Variants in PRKAG2 observed in about 807,000 individuals in gnomAD.
PRKAG2 encodes the protein 5'-AMP-activated protein kinase subunit gamma-2.
In PRKAG2, 26 loss-of-function variants were observed where a neutral mutation model predicts 69.6. That is an observed-to-expected ratio of 0.37 (90% CI 0.27 to 0.52). The LOEUF is 0.52. Ranked by LOEUF, PRKAG2 falls within the 20% of genes least tolerant of loss-of-function variation. PRKAG2 has a pLI of 0.90. For synonymous variants in PRKAG2, 293 were observed against 285.0 expected (o/e 1.03, Z -0.28); for missense variants, 557 against 740.0 (o/e 0.75, Z 2.87).
At chr7:151,691,951 T>C (rs555421235) in intron 3 of PRKAG2, among the ~76,000 whole-genome samples, 5 of 152,130 alleles carry the variant, frequency 3.3e-5, no homozygotes, top group African/African-American at 1.2e-4. Flanking sequence ...CTTTGGGAGG[T>C]TGAAGCAGGA....
chr7:151,855,178 C>T (rs1341057697), intron 1 of PRKAG2, among the ~76,000 whole-genome samples: 1 of 78,312 alleles, frequency 1.3e-5, no homozygotes. Flanking sequence ...ACACCACCCT[C>T]CACACACACC....
At position 151,780,409 on chromosome 7, in the gene PRKAG2, A is replaced by G. The variant is rs1340253477; in HGVS notation, c.466+743T>C. Reference sequence around the variant, plus strand: ...GGACAAATTTGTTTTCCACATCACTATCTTCCCCAATACAAATGTTCTAAG... The same window carrying G: ...GGACAAATTTGTTTTCCACATCACTGTCTTCCCCAATACAAATGTTCTAAG... On this transcript the variant is annotated intron_variant, in intron 3 of 15. Transcript: ENST00000287878. This position sits in a 1 kb window ranked among gnomAD's most constrained non-coding sequence, Gnocchi z 4.2. Among the ~76,000 whole-genome samples, 1 of 152,222 alleles carries G rather than the reference A, an allele frequency of 6.6e-6. No individual in the cohort carries two copies. Among genetic ancestry groups the G allele is most frequent in the Admixed American group, 6.5e-5 (1 of 15,280 alleles).
At chr7:151,680,176 T>C (rs1051573537) in intron 3 of PRKAG2, among the ~76,000 whole-genome samples, 4 of 152,148 alleles carry the variant, frequency 2.6e-5, no homozygotes, top group African/African-American at 9.7e-5. Flanking sequence ...CAAACGCGCA[T>C]GTTCCTGGAC....
intron 5 of PRKAG2, among the ~76,000 whole-genome samples, chr7:151,630,715 T>A (rs1824202269): frequency 1.3e-5 from 2 of 152,248 alleles, no homozygotes; most frequent in African/African-American, 4.8e-5. Context: ...CCTGGTGATT[T>A]AGACATTCAA....
intron 1 of PRKAG2, among the ~76,000 whole-genome samples, chr7:151,858,680 A>G (rs754720339): frequency 1.5e-4 from 23 of 152,204 alleles, no homozygotes; most frequent in Non-Finnish European, 2.5e-4. Flanking sequence ...AAGGGGTGAC[A>G]TCGTCATTCA....
intron 5 of PRKAG2, among the ~76,000 whole-genome samples, chr7:151,621,538 A>G (rs1179525220): frequency 6.6e-6 from 1 of 151,714 alleles, no homozygotes; most frequent in East Asian, 1.9e-4. Flanking sequence ...AAACAAAACA[A>G]AAAACCAACA....
intron 1 of PRKAG2, among the ~76,000 whole-genome samples, chr7:151,844,181 T>C (rs1174724263): frequency 6.6e-6 from 1 of 152,194 alleles, no homozygotes; most frequent in Non-Finnish European, 1.5e-5. Flanking sequence ...AGCGTGGCTC[T>C]GAAGTTGTGG....
At chr7:151,631,882 C>T in intron 5 of PRKAG2, 187 bp downstream of exon 5, 1 of 505,092 alleles carries the variant, frequency 2.0e-6, no homozygotes, top group Non-Finnish European at 3.2e-6. Context: ...ACGCCCGGTA[C>T]CCCGCAGCCC....
chr7:151,775,548 G>C (rs986448569), intron 3 of PRKAG2, among the ~76,000 whole-genome samples: 3 of 152,164 alleles, frequency 2.0e-5, no homozygotes, highest in African/African-American at 4.8e-5. Flanking sequence ...TAAAAGAAGA[G>C]GGACGAAAAC....
At position 151,786,474 on chromosome 7, in the gene PRKAG2, C is replaced by T. The variant is rs564358410; in HGVS notation, c.182G>A (p.Arg61Gln). The T allele has an allele frequency of 9.9e-6, 16 of 1,611,290 alleles. No homozygotes were observed. The Admixed American group carries it at 1.8e-4, about 19-fold the overall frequency. ...DLEGSGKHSS[R>Q]KVDSPFGPGS... ...CTTCTGGAAAGGAGGTCTTACCTTT[C>T]GAGAGGAATGCTTTCCGGAACCCTC... The change falls in exon 2 of 16, where the codon CGA becomes CAA. Residue 61 changes from arginine (R) to glutamine (Q), a missense_variant. This residue lies in a region of PRKAG2 where 352 missense variants were observed against 356.7 expected (regional missense o/e 0.99). Transcript: ENST00000287878.
At chr7:151,722,516 C>G (rs2536075) in intron 3 of PRKAG2, among the ~76,000 whole-genome samples, 2 of 151,972 alleles carry the variant, frequency 1.3e-5, no homozygotes, top group Non-Finnish European at 2.9e-5. Flanking sequence ...GGGGTCTCCT[C>G]GTGGAGCTCA....
intron 7 of PRKAG2, 100 bp downstream of exon 7, chr7:151,576,271 T>G: frequency 9.0e-7 from 1 of 1,106,120 alleles, no homozygotes; most frequent in Non-Finnish European, 1.4e-6. Flanking sequence ...TGGAAACATG[T>G]TTACTAGGTT....
At chr7:151,652,149 T>C (rs1563348038) in intron 4 of PRKAG2, among the ~76,000 whole-genome samples, 1 of 152,216 alleles carries the variant, frequency 6.6e-6, no homozygotes, top group Non-Finnish European at 1.5e-5. Flanking sequence ...CCCATAATTA[T>C]ATACGATTTT....
At chr7:151,829,313 G>A (rs2078970611) in intron 1 of PRKAG2, among the ~76,000 whole-genome samples, 1 of 152,208 alleles carries the variant, frequency 6.6e-6, no homozygotes, top group Admixed American at 6.5e-5. Context: ...AAACCACAAT[G>A]AGACACCACT....
At chr7:151,720,305 G>A (rs1796842806) in intron 3 of PRKAG2, among the ~76,000 whole-genome samples, 2 of 152,086 alleles carry the variant, frequency 1.3e-5, no homozygotes, top group African/African-American at 2.4e-5. Flanking sequence ...GCCAGTTCGC[G>A]TTTGAGTTTC....
intron 1 of PRKAG2, among the ~76,000 whole-genome samples, chr7:151,804,591 G>GCTC (rs1261624744): frequency 6.6e-6 from 1 of 152,162 alleles, no homozygotes; most frequent in Non-Finnish European, 1.5e-5. Flanking sequence ...TGGACAGTTT[G>GCTC]CTCTCCTAAC....
intron 1 of PRKAG2, among the ~76,000 whole-genome samples, chr7:151,797,205 C>A (rs563326761): frequency 4.0e-5 from 6 of 150,406 alleles, no homozygotes; most frequent in African/African-American, 1.2e-4. Flanking sequence ...TCTGACGCTT[C>A]CCCCACAGTC....
intron 6 of PRKAG2, among the ~76,000 whole-genome samples, chr7:151,584,515 T>C (rs145941156): frequency 1.7e-4 from 26 of 150,568 alleles, no homozygotes; most frequent in Middle Eastern, 3.4e-3. Context: ...AAAAGAAAAA[T>C]TGAAAAAACA....
intron 6 of PRKAG2, among the ~76,000 whole-genome samples, chr7:151,587,080 C>G (rs1811858813): frequency 6.6e-6 from 1 of 152,036 alleles, no homozygotes; most frequent in Admixed American, 6.6e-5. Flanking sequence ...AGAATCGCTT[C>G]AAGTGAGCCG....
Sources: gnomAD v4.1 joint callset for allele counts (sites outside exome capture counted in the v4.1 genomes callset) on GRCh38, gnomAD v4.1.1 for gene constraint, gnomAD v4.1.1 regional missense constraint, Gnocchi (gnomAD v3.1) non-coding constraint, MANE v1.5 for transcripts, NCBI Gene and HGNC (gene_info 2026-07-23, HGNC 2026-07-21) for gene names.